DLG2: variants seen among roughly 807,000 people sequenced by gnomAD.
DLG2 encodes the protein disks large homolog 2.
In DLG2, 45 loss-of-function variants were observed where a neutral mutation model predicts 132.5. That is an observed-to-expected ratio of 0.34 (90% confidence interval 0.27 to 0.44). The LOEUF (loss-of-function observed/expected upper bound fraction) is 0.44. Ranked by LOEUF, DLG2 falls within the 20% of genes least tolerant of loss-of-function variation. The probability of loss-of-function intolerance (pLI) is 1.00; values close to 1 mark genes in which losing one functional copy is unlikely to be tolerated. For missense variants in DLG2, 1,045 were observed against 1,196.9 expected (o/e 0.87, Z 1.87); for synonymous variants, 424 against 419.6 (o/e 1.01, Z -0.13).
intron 18 of DLG2, among the ~76,000 whole-genome samples, chr11:83,671,952 A>AAG (rs2076894722): frequency 6.6e-6 from 1 of 152,180 alleles, no homozygotes; most frequent in African/African-American, 2.4e-5. Flanking sequence ...TGTTACTTTT[A>AAG]AGTGTTTCCC....
In DLG2 at chr11:84,665,776, T is replaced by C. The variant is rs59305362; in HGVS notation, c.358-131045A>G. Among the ~76,000 whole-genome samples the C allele has an allele frequency of 8.9e-3, 1,359 of 152,266 alleles. 26 individuals are homozygous for C. The highest frequency in any genetic ancestry group is 0.029 in the African/African-American group (1,195 of 41,562). On this transcript the variant is annotated intron_variant, in intron 6 of 27. Coordinates refer to ENST00000376104, the MANE Select transcript of DLG2 (RefSeq NM_001142699.3). ...GGAAAATATTTCACTTATTTTTAAATTTCTAGAGTCAATGTGCTTGATACC... is the reference window on the plus strand; with the variant it reads ...GGAAAATATTTCACTTATTTTTAAACTTCTAGAGTCAATGTGCTTGATACC...
intron 4 of DLG2, among the ~76,000 whole-genome samples, chr11:85,236,795 A>G (rs1219257265): frequency 1.3e-5 from 2 of 152,076 alleles, no homozygotes; most frequent in African/African-American, 4.8e-5. Flanking sequence ...CCAAGTTCAC[A>G]TAGTTATTCA....
intron 6 of DLG2, among the ~76,000 whole-genome samples, chr11:84,677,629 A>T (rs1206830637): frequency 6.6e-6 from 1 of 152,076 alleles, no homozygotes; most frequent in Non-Finnish European, 1.5e-5. Flanking sequence ...TATGCCTGGA[A>T]TCCTAGCAGT....
chr11:85,460,373 G>T lies in DLG2; in HGVS notation c.40+138284C>A, dbSNP rs114989555. 4.0e-3 allele frequency among the ~76,000 whole-genome samples: 603 copies of T among 152,290 alleles called. 4 individuals are homozygous for T. The highest frequency in any genetic ancestry group is 0.014 in the African/African-American group (567 of 41,570). On this transcript the variant is annotated intron_variant, in intron 3 of 27. Coordinates refer to ENST00000376104, the MANE Select transcript of DLG2 (RefSeq NM_001142699.3). The stretch of plus-strand genomic sequence containing the variant: ...GGAAGCTCTGGTGGGGTAGGCTTAT[G>T]CATGGATCACCTGAGCCCAGGGTTG...
At chr11:83,792,058 T>C (rs2153903266) in intron 17 of DLG2, among the ~76,000 whole-genome samples, 1 of 152,366 alleles carries the variant, frequency 6.6e-6, no homozygotes, top group East Asian at 1.9e-4. Flanking sequence ...ACATCTTTCA[T>C]TATCATATCA....
At chr11:84,885,678 G>A (rs1393873143) in intron 6 of DLG2, among the ~76,000 whole-genome samples, 1 of 152,106 alleles carries the variant, frequency 6.6e-6, no homozygotes, top group Non-Finnish European at 1.5e-5. Flanking sequence ...TAGGATAAAT[G>A]TGTGTAGCAC....
intron 11 of DLG2, among the ~76,000 whole-genome samples, chr11:83,986,313 G>A (rs1162078328): frequency 6.6e-6 from 1 of 151,262 alleles, no homozygotes; most frequent in East Asian, 2.0e-4. Context: ...TGCGGCATTT[G>A]GTTTTTTGTT....
At chr11:84,837,978 A>G (rs1262631431) in intron 6 of DLG2, among the ~76,000 whole-genome samples, 1 of 151,814 alleles carries the variant, frequency 6.6e-6, no homozygotes, top group Non-Finnish European at 1.5e-5. Flanking sequence ...AACAAATGCT[A>G]CAAGGGATCA....
chr11:83,482,361 A>T (rs1312851582), intron 22 of DLG2, among the ~76,000 whole-genome samples: 2 of 152,146 alleles, frequency 1.3e-5, no homozygotes, highest in Non-Finnish European at 2.9e-5. Flanking sequence ...TAAACATGTG[A>T]TACAGTTGCA....
intron 27 of DLG2, chr11:83,461,780 T>TGGGA: frequency 2.0e-6 from 1 of 502,888 alleles, no homozygotes. Flanking sequence ...GTAGGGCTGG[T>TGGGA]GGGAACCTGG....
chr11:84,103,915 A>T (rs1341055079), intron 9 of DLG2, among the ~76,000 whole-genome samples: 2 of 152,024 alleles, frequency 1.3e-5, no homozygotes, highest in African/African-American at 4.8e-5. Flanking sequence ...GATTTTTAGA[A>T]TTTTTCTACT....
At chr11:83,899,216 G>A (rs537439380) in intron 15 of DLG2, among the ~76,000 whole-genome samples, 247 of 151,062 alleles carry the variant, frequency 1.6e-3, no homozygotes, top group South Asian at 2.7e-3. Flanking sequence ...ATTTTTCTCC[G>A]AAACTTTGTA....
At chr11:85,026,972 A>G (rs1186754509) in intron 6 of DLG2, among the ~76,000 whole-genome samples, 1 of 150,986 alleles carries the variant, frequency 6.6e-6, no homozygotes, top group Non-Finnish European at 1.5e-5. Flanking sequence ...GACCAATACA[A>G]TACCGTTTCT....
chr11:84,917,051 C>A (rs551769920), intron 6 of DLG2, among the ~76,000 whole-genome samples: 81 of 152,334 alleles, frequency 5.3e-4, no homozygotes, highest in African/African-American at 1.9e-3. Flanking sequence ...TAGCACTTAT[C>A]ACTATGTACT....
rs1025982222 is a variant in DLG2, at chr11:84,878,704, A to G, written c.357+232957T>C. On this transcript the variant is annotated intron_variant, in intron 6 of 27. Transcript: ENST00000376104. ...ATGTATACCAGAACTTAAAGTATAG[A>G]AAAAAAATCCAAAAAAGAAGAAATA... Among the ~76,000 whole-genome samples, 36 of 152,038 alleles carry G rather than the reference A, an allele frequency of 2.4e-4. 1 individual carries two copies. The highest frequency in any genetic ancestry group is 7.2e-4 in the African/African-American group (30 of 41,398).
intron 7 of DLG2, among the ~76,000 whole-genome samples, chr11:84,499,876 T>A (rs1422446927): frequency 6.6e-6 from 1 of 152,180 alleles, no homozygotes; most frequent in African/African-American, 2.4e-5. Context: ...AGAGTCAGGT[T>A]ACTTCCGTCT....
intron 2 of DLG2, among the ~76,000 whole-genome samples, chr11:85,610,347 T>C (rs1176536843): frequency 1.3e-5 from 2 of 152,214 alleles, no homozygotes; most frequent in African/African-American, 4.8e-5. Flanking sequence ...AATTCCTCTA[T>C]ATCCAGTTGT....
intron 6 of DLG2, among the ~76,000 whole-genome samples, chr11:84,607,598 T>C (rs2099588070): frequency 1.3e-5 from 2 of 152,092 alleles, no homozygotes; most frequent in Non-Finnish European, 2.9e-5. Flanking sequence ...TATTCTAAAT[T>C]CAGTTTACTC....
At chr11:85,244,369 C>T (rs1043584428) in intron 4 of DLG2, among the ~76,000 whole-genome samples, 5 of 151,964 alleles carry the variant, frequency 3.3e-5, no homozygotes, top group African/African-American at 9.7e-5. Flanking sequence ...ATCATTTATA[C>T]TTTAACAACA....
Sources: gnomAD v4.1 joint callset for allele counts (sites outside exome capture counted in the v4.1 genomes callset) on GRCh38, gnomAD v4.1.1 for gene constraint, MANE v1.5 for transcripts, NCBI Gene and HGNC (gene_info 2026-07-23, HGNC 2026-07-21) for gene names.